REPS1: variants seen among roughly 807,000 people sequenced by gnomAD.
REPS1 encodes the protein ralBP1-associated Eps domain-containing protein 1.
A neutral mutation model predicts 100.9 loss-of-function variants in REPS1; 39 were observed. The ratio of observed to expected loss-of-function variants is 0.39; its 90% CI spans 0.30 to 0.50. The LOEUF is 0.50. Ranked by LOEUF, REPS1 falls within the 20% of genes least tolerant of loss-of-function variation. The pLI is 0.86. For synonymous variants in REPS1, 324 were observed against 340.3 expected, an observed-to-expected ratio of 0.95 and a Z score of 0.53; for missense variants, 821 against 968.5, an observed-to-expected ratio of 0.85 and a Z score of 2.02.
At chr6:138,983,633 A>C (rs1186226978) in intron 1 of REPS1, among the ~76,000 whole-genome samples, 1 of 152,088 alleles carries the variant, frequency 6.6e-6, no homozygotes, top group Non-Finnish European at 1.5e-5. Flanking sequence ...TTTGTTCTCT[A>C]CACTCATGCC....
chr6:138,934,598 A>G (rs545796917), intron 8 of REPS1, among the ~76,000 whole-genome samples: 8 of 152,310 alleles, frequency 5.3e-5, no homozygotes, highest in Non-Finnish European at 1.2e-4. Flanking sequence ...CTTTGTTTTT[A>G]TTCTAGCTTT....
intron 1 of REPS1, among the ~76,000 whole-genome samples, chr6:138,955,006 C>T (rs1783280682): frequency 6.6e-6 from 1 of 152,062 alleles, no homozygotes; most frequent in African/African-American, 2.4e-5. Context: ...GATGGATGCA[C>T]CTATCACAAA....
chr6:138,925,913 C>A (rs892431230), intron 10 of REPS1, among the ~76,000 whole-genome samples: 1 of 152,156 alleles, frequency 6.6e-6, no homozygotes, highest in African/African-American at 2.4e-5. Context: ...TGACCAACAT[C>A]TTGTATTGCT....
chr6:138,937,833 A>C (rs1781957420), intron 8 of REPS1, among the ~76,000 whole-genome samples: 1 of 152,226 alleles, frequency 6.6e-6, no homozygotes, highest in East Asian at 1.9e-4. Context: ...GATATAATGA[A>C]CAAAAGTGAT....
At chr6:138,932,071 G>C (rs1376527764) in intron 8 of REPS1, among the ~76,000 whole-genome samples, 1 of 152,146 alleles carries the variant, frequency 6.6e-6, no homozygotes, top group Non-Finnish European at 1.5e-5. Flanking sequence ...CAGTTCTCAT[G>C]ATTTCTTCTA....
At chr6:138,910,835 T>C (rs1423838314) in intron 17 of REPS1, 3 of 155,062 alleles carry the variant, frequency 1.9e-5, no homozygotes, top group African/African-American at 7.2e-5. Context: ...TGATGTACAA[T>C]GAAAAATTGT....
intron 1 of REPS1, among the ~76,000 whole-genome samples, chr6:138,965,329 A>C (rs1783956223): frequency 6.6e-6 from 1 of 152,120 alleles, no homozygotes; most frequent in Non-Finnish European, 1.5e-5. Context: ...TGTATTATCT[A>C]CATTAACAAT....
At chr6:138,920,515 G>C (rs1240661433) in intron 11 of REPS1, among the ~76,000 whole-genome samples, 199 bp from the exon 12 acceptor site, 1 of 152,100 alleles carries the variant, frequency 6.6e-6, no homozygotes. Context: ...CATAATAGAA[G>C]ATAGTTTATA....
chr6:138,978,037 T>C (rs1784693890), intron 1 of REPS1, among the ~76,000 whole-genome samples: 1 of 152,226 alleles, frequency 6.6e-6, no homozygotes, highest in South Asian at 2.1e-4. Flanking sequence ...ATTCTTATTG[T>C]TGTCTTTGGT....
At chr6:138,960,328 C>T (rs1227050983) in intron 1 of REPS1, among the ~76,000 whole-genome samples, 2 of 152,050 alleles carry the variant, frequency 1.3e-5, no homozygotes, top group Non-Finnish European at 2.9e-5. Flanking sequence ...CTTTAAAAAA[C>T]TATTGAGGAC....
intron 8 of REPS1, among the ~76,000 whole-genome samples, chr6:138,938,182 A>G (rs1379430232): frequency 6.6e-6 from 1 of 152,154 alleles, no homozygotes; most frequent in Non-Finnish European, 1.5e-5. Context: ...TAAATATTCT[A>G]ATTCAGGTCG....
intron 1 of REPS1, among the ~76,000 whole-genome samples, chr6:138,981,480 A>G (rs1037157786): frequency 3.3e-5 from 5 of 152,234 alleles, no homozygotes; most frequent in African/African-American, 1.2e-4. Flanking sequence ...CCCATTTCAA[A>G]TTCTCACGAC....
Position 138,930,057 on chromosome 6 carries a change from G to A in REPS1, c.1177C>T (p.Pro393Ser), listed in dbSNP as rs1182972456. 4 of 1,613,356 alleles carry A rather than the reference G, an allele frequency of 2.5e-6. No homozygotes were observed. The highest frequency in any genetic ancestry group is 1.1e-5 in the South Asian group (1 of 91,062). Residue 393 changes from proline to serine, a missense_variant, in exon 9 of 20, where the codon CCT becomes TCT. By Grantham distance (74) the Pro-to-Ser change is moderately conservative (BLOSUM62 -1). Transcript: ENST00000450536. ...QPGEVGYSGS[P>S]AEAPPSKSPS... ...GACTTGCTTGGAGGAGCTTCAGCAG[G>A]AGAGCCTGAATAACCTACCTCACCT...
intron 1 of REPS1, among the ~76,000 whole-genome samples, chr6:138,970,699 G>A (rs556698725): frequency 1.1e-4 from 17 of 152,254 alleles, no homozygotes; most frequent in South Asian, 2.1e-4. Context: ...TGGGAGGATC[G>A]CTTAAGCTCA....
chr6:138,941,535 TC>T, intron 7 of REPS1, 46 bp from the exon 8 acceptor site: 7 of 1,530,504 alleles, frequency 4.6e-6, no homozygotes, highest in Non-Finnish European at 6.3e-6. Flanking sequence ...CCGCTTTGGA[TC>T]CTTTTATTTC....
intron 1 of REPS1, among the ~76,000 whole-genome samples, chr6:138,960,462 AAC>A (rs1783667070): frequency 6.6e-6 from 1 of 152,192 alleles, no homozygotes. Context: ...TATCACATAT[AAC>A]ACAGTTTTAT....
intron 1 of REPS1, among the ~76,000 whole-genome samples, chr6:138,963,483 C>T (rs1400096267): frequency 6.6e-6 from 1 of 152,168 alleles, no homozygotes; most frequent in Non-Finnish European, 1.5e-5. Context: ...CCATACCCTC[C>T]TGATTTACCG....
intron 1 of REPS1, among the ~76,000 whole-genome samples, chr6:138,979,676 G>A (rs528024009): frequency 2.0e-5 from 3 of 152,208 alleles, no homozygotes; most frequent in African/African-American, 4.8e-5. Flanking sequence ...TGGCATCCAC[G>A]ACATGATAAT....
intron 1 of REPS1, among the ~76,000 whole-genome samples, chr6:138,986,157 A>C (rs1785246842): frequency 6.6e-6 from 1 of 152,186 alleles, no homozygotes; most frequent in African/African-American, 2.4e-5. Context: ...TGTGTTTTGT[A>C]AACACAAGAA....
Sources: gnomAD v4.1 joint callset for allele counts (sites outside exome capture counted in the v4.1 genomes callset) on GRCh38, gnomAD v4.1.1 for gene constraint, MANE v1.5 for transcripts, NCBI Gene and HGNC (gene_info 2026-07-23, HGNC 2026-07-21) for gene names.